Variants in WDR89 observed in about 807,000 individuals in gnomAD.
WDR89 encodes WD repeat-containing protein 89.
In WDR89, 17 loss-of-function variants were observed where a neutral mutation model predicts 29.1. That is an observed-to-expected ratio of 0.58 (90% CI 0.40 to 0.88). WDR89 has a LOEUF of 0.88. Ranked by LOEUF, WDR89 falls within the 40% of genes least tolerant of loss-of-function variation. WDR89 has a pLI of 0.00. For synonymous variants in WDR89, 138 were observed against 157.8 expected, an observed-to-expected ratio of 0.87 and a Z score of 0.94; for missense variants, 396 against 456.3, an observed-to-expected ratio of 0.87 and a Z score of 1.20.
chr14:63,607,763 C>T (rs924870937), intron 2 of WDR89, among the ~76,000 whole-genome samples: 4 of 151,614 alleles, frequency 2.6e-5, no homozygotes, highest in South Asian at 2.1e-4. Context: ...TGCCAGTAAT[C>T]CCAGCTACTT....
At chr14:63,616,603 G>A (rs1348183969) in intron 2 of WDR89, among the ~76,000 whole-genome samples, 1 of 152,186 alleles carries the variant, frequency 6.6e-6, no homozygotes, top group Non-Finnish European at 1.5e-5. Flanking sequence ...TGGAGCAAGA[G>A]CTGCCTAGGC....
chr14:63,611,795 C>T (rs190019585), intron 2 of WDR89, among the ~76,000 whole-genome samples: 5 of 151,122 alleles, frequency 3.3e-5, no homozygotes, highest in Admixed American at 2.0e-4. Context: ...GGTGCAATCT[C>T]GGCTCACTGC....
intron 1 of WDR89, among the ~76,000 whole-genome samples, chr14:63,633,807 G>GA (rs1883555763): frequency 6.6e-6 from 1 of 152,028 alleles, no homozygotes; most frequent in Admixed American, 6.6e-5. Flanking sequence ...GAACTATCCA[G>GA]AAAAAAACGG....
intron 2 of WDR89, among the ~76,000 whole-genome samples, chr14:63,602,890 A>T (rs182570158): frequency 2.1e-4 from 32 of 152,224 alleles, no homozygotes; most frequent in African/African-American, 6.5e-4. Flanking sequence ...AAATATTAGT[A>T]AGTTGGATTT....
chr14:63,625,947 G>A (rs544588232), intron 1 of WDR89, among the ~76,000 whole-genome samples: 8 of 151,276 alleles, frequency 5.3e-5, no homozygotes, highest in Admixed American at 1.3e-4. Flanking sequence ...TCTGCCTCCC[G>A]GGTTCAAGCG....
At chr14:63,613,377 A>G (rs1882109084) in intron 2 of WDR89, among the ~76,000 whole-genome samples, 1 of 152,172 alleles carries the variant, frequency 6.6e-6, no homozygotes, top group African/African-American at 2.4e-5. Context: ...AATGTTATTC[A>G]TTGTTTTAAA....
intron 2 of WDR89, among the ~76,000 whole-genome samples, chr14:63,623,821 G>A (rs1482486158): frequency 6.6e-6 from 1 of 151,324 alleles, no homozygotes; most frequent in Non-Finnish European, 1.5e-5. Flanking sequence ...GGTGGGGAGA[G>A]AGAAGCAAGA....
At chr14:63,605,808 G>A (rs73280662) in intron 2 of WDR89, among the ~76,000 whole-genome samples, 14,372 of 152,004 alleles carry the variant, frequency 0.095, 1,352 homozygotes, top group African/African-American at 0.24. Flanking sequence ...TCTACTTATT[G>A]AAAGGAAGTT....
intron 1 of WDR89, among the ~76,000 whole-genome samples, chr14:63,637,469 T>C (rs1883809259): frequency 6.6e-6 from 1 of 152,218 alleles, no homozygotes; most frequent in South Asian, 2.1e-4. Flanking sequence ...CACGCATGTT[T>C]ATAGCAGCAC....
At chr14:63,620,669 G>A (rs1222891474) in intron 2 of WDR89, among the ~76,000 whole-genome samples, 1 of 152,088 alleles carries the variant, frequency 6.6e-6, no homozygotes, top group East Asian at 1.9e-4. Context: ...CGGACTGCTT[G>A]AAGTCAGAAG....
intron 1 of WDR89, among the ~76,000 whole-genome samples, chr14:63,630,516 G>A (rs915919736): frequency 1.3e-5 from 2 of 151,832 alleles, no homozygotes; most frequent in South Asian, 2.1e-4. Context: ...GGTGGCCCAC[G>A]CCTGTAATCC....
intron 1 of WDR89, 148 bp from the exon 2 acceptor site, chr14:63,625,181 AG>A (rs1384991028): frequency 6.6e-6 from 1 of 152,214 alleles, no homozygotes; most frequent in Non-Finnish European, 1.5e-5. Flanking sequence ...GCAAGAAAAA[AG>A]GAACTAGAGA....
At chr14:63,627,619 CT>C (rs1883154618) in intron 1 of WDR89, among the ~76,000 whole-genome samples, 1 of 152,174 alleles carries the variant, frequency 6.6e-6, no homozygotes, top group Non-Finnish European at 1.5e-5. Flanking sequence ...TTTACTCTCT[CT>C]CTAGTTTTGC....
chr14:63,610,219 TAAAAAAAAAAAAAAAA>T (rs56984803), intron 2 of WDR89, among the ~76,000 whole-genome samples: 1 of 65,326 alleles, frequency 1.5e-5, no homozygotes, highest in African/African-American at 7.2e-5. Context: ...GACTCTGTCT[TAAAAAAAAAAAAAAAA>T]AAAAAAAAAC....
chr14:63,614,244 A>G (rs951058716), intron 2 of WDR89, among the ~76,000 whole-genome samples: 1 of 152,150 alleles, frequency 6.6e-6, no homozygotes, highest in African/African-American at 2.4e-5. Context: ...TGGCAGCCAC[A>G]AAAGCTTTAT....
chr14:63,614,836 T>C (rs1882208587), intron 2 of WDR89, among the ~76,000 whole-genome samples: 1 of 152,026 alleles, frequency 6.6e-6, no homozygotes, highest in Non-Finnish European at 1.5e-5. Context: ...ACAACTCTAA[T>C]ATAATTTTAA....
intron 2 of WDR89, chr14:63,601,510 T>C (rs1895061528): frequency 6.2e-6 from 9 of 1,448,026 alleles, no homozygotes; most frequent in Middle Eastern, 1.8e-4. Context: ...GAGGGAGTCA[T>C]GGCAGGACAA....
chr14:63,639,948 C>T (rs1883995824), intron 1 of WDR89, among the ~76,000 whole-genome samples: 1 of 152,188 alleles, frequency 6.6e-6, no homozygotes, highest in South Asian at 2.1e-4. Flanking sequence ...TGCCACCGCA[C>T]TCCCGTCTGG....
rs1402775740 is a variant in WDR89 at position 63,638,205 on chromosome 14, A to G, written c.-138+3599T>C. On this transcript the variant is annotated intron_variant, in intron 1 of 2. Transcript: ENST00000620954. The stretch of plus-strand genomic sequence containing the variant: ...GGTAATCCACCCGCCTCGGCCTCCC[A>G]AAGTGCTGGGATTACAGGCATGAGC... Among the ~76,000 whole-genome samples, 9 of 152,132 alleles carry G rather than the reference A, an allele frequency of 5.9e-5. No individual in the cohort carries two copies. The East Asian group carries it at 1.7e-3, about 29-fold the overall frequency.
Sources: gnomAD v4.1 joint callset for allele counts (sites outside exome capture counted in the v4.1 genomes callset) on GRCh38, gnomAD v4.1.1 for gene constraint, MANE v1.5 for transcripts, NCBI Gene and HGNC (gene_info 2026-07-23, HGNC 2026-07-21) for gene names.